Variants in KIFBP observed in about 807,000 individuals in gnomAD.
KIFBP encodes the protein kinesin family binding protein, also known as KIF-binding protein.
KIFBP carries 46 observed loss-of-function variants against 58.9 expected under a neutral mutation model. That is an observed-to-expected ratio of 0.78 (90% CI 0.62 to 1.00). The LOEUF (loss-of-function observed/expected upper bound fraction) is 1.00. Among genes scored for constraint, KIFBP ranks in the 50% least tolerant of loss-of-function variants. The pLI is 0.00. For synonymous variants in KIFBP, 241 were observed against 283.4 expected (o/e 0.85, Z 1.50); for missense variants, 651 against 752.9 (o/e 0.86, Z 1.58).
chr10:68,990,875 C>T (rs1843335918), intron 1 of KIFBP, among the ~76,000 whole-genome samples: 1 of 151,946 alleles, frequency 6.6e-6, no homozygotes, highest in African/African-American at 2.4e-5. Context: ...TCCGTTACAT[C>T]CAAACAGAAG....
Position 69,015,772 on chromosome 10 carries a change from G to A in KIFBP, c.1222G>A (p.Glu408Lys). ...TCAGCACTATGTCTTTGAGGCAAAAGAGTTCTTTCAGATTGATGGTTATGT... is the reference window on the plus strand; with the variant it reads ...TCAGCACTATGTCTTTGAGGCAAAAAAGTTCTTTCAGATTGATGGTTATGT... ...LGQHYVFEAKEFFQIDGYVTD... is the reference protein window; with the variant it reads ...LGQHYVFEAKKFFQIDGYVTD... The change falls in exon 7 of 7, where the codon GAG (glutamate) becomes AAG (lysine). Residue 408 changes from glutamate (E) to lysine (K), a missense_variant. Physicochemically the swap from Glu to Lys is moderately conservative, Grantham distance 56. Coordinates refer to ENST00000361983, the MANE Select transcript of KIFBP (RefSeq NM_015634.4). The A allele has an allele frequency of 6.2e-7, 1 of 1,614,194 alleles. No individual in the cohort carries two copies. Among genetic ancestry groups the A allele is most frequent in the East Asian group, 2.2e-5 (1 of 44,890 alleles).
In KIFBP at chr10:69,016,279, A is replaced by C. The variant is rs1839005000; in HGVS notation, c.1729A>C (p.Lys577Gln). The change falls in exon 7 of 7, where the codon AAA (lysine) becomes CAA (glutamine). Residue 577 changes from lysine to glutamine, a missense_variant. Lys to Gln is a moderately conservative substitution (Grantham distance 53, BLOSUM62 1). Coordinates refer to ENST00000361983, the MANE Select transcript of KIFBP (RefSeq NM_015634.4). ...ENLATSLEHY[K>Q]FIVDYCEKHP... ...TTTGGCAACATCATTGGAACATTAC[A>C]AATTTATTGTTGATTACTGTGAAAA... The C allele has an allele frequency of 6.2e-7, 1 of 1,602,226 alleles. No homozygotes were observed. The highest frequency in any genetic ancestry group is 1.3e-5 in the African/African-American group (1 of 74,196).
Position 69,010,977 on chromosome 10 carries a change from T to C in KIFBP, c.952T>C (p.Cys318Arg). 6.2e-7 allele frequency: 1 copy of C among 1,614,102 alleles called. No homozygotes were observed. The highest frequency in any genetic ancestry group is 8.5e-7 in the Non-Finnish European group (1 of 1,179,924). The change falls in exon 6 of 7, where the codon TGT (cysteine) becomes CGT (arginine). Residue 318 changes from cysteine (C) to arginine (R), a missense_variant. Coordinates refer to ENST00000361983, the MANE Select transcript of KIFBP (RefSeq NM_015634.4). ...AATAGCAAGGTGCTGGATCAAATAC[T>C]GTTTGACTCTCATGCAGAATGCCCA... ...GEIARCWIKY[C>R]LTLMQNAQLS...
At position 68,991,588 on chromosome 10, in the gene KIFBP, A is replaced by G. The variant is rs73268401; in HGVS notation, c.426+2330A>G. 2,283 of 378,450 alleles carry G rather than the reference A, an allele frequency of 6.0e-3. 59 individuals carry two copies. The highest frequency in any genetic ancestry group is 0.044 in the African/African-American group (2,089 of 47,384). 23.4% of individuals were successfully genotyped at this position (378,450 alleles called of 1,614,324 possible). On this transcript the variant is annotated intron_variant, in intron 1 of 6. Transcript: ENST00000361983. ...TGCTGGAGGTCATCACGTGCAGTAC[A>G]AAAAGCTAGCTGACATCCATCAAGG...
intron 6 of KIFBP, among the ~76,000 whole-genome samples, chr10:69,014,416 A>G (rs1838959161): frequency 6.6e-6 from 1 of 152,190 alleles, no homozygotes; most frequent in Non-Finnish European, 1.5e-5. Context: ...TCTGTGGCGT[A>G]AGGGAGGATG....
At position 69,016,338 on chromosome 10, in the gene KIFBP, G is replaced by A. The variant is rs532878310; in HGVS notation, c.1788G>A (p.Glu596=). Residue 596 remains glutamate (E), a synonymous_variant, in exon 7 of 7, where the codon GAG becomes GAA. Transcript: ENST00000361983. ...HPEAAQEIEV[E]LELSKEMVSL... ...AGGCCGCCCAGGAAATAGAAGTTGAGCTAGAACTTAGTAAAGAGATGGTTA... is the reference window on the plus strand; with the variant it reads ...AGGCCGCCCAGGAAATAGAAGTTGAACTAGAACTTAGTAAAGAGATGGTTA... 41 of 1,613,388 alleles carry A rather than the reference G, an allele frequency of 2.5e-5. No individual in the cohort carries two copies. The East Asian group carries it at 8.9e-4, about 35-fold the overall frequency.
At chr10:69,009,021 A>C in intron 5 of KIFBP, 96 bp downstream of exon 5, 1 of 924,938 alleles carries the variant, frequency 1.1e-6, no homozygotes, top group East Asian at 2.5e-5. Context: ...CAGAAGAGCT[A>C]TCATATGCCC....
chr10:68,996,085 G>C (rs1458040537), intron 1 of KIFBP, among the ~76,000 whole-genome samples: 2 of 151,944 alleles, frequency 1.3e-5, no homozygotes, highest in Non-Finnish European at 2.9e-5. Flanking sequence ...TAGAACCCGG[G>C]AGGCGGAGGT....
intron 2 of KIFBP, among the ~76,000 whole-genome samples, chr10:69,004,353 C>G (rs1272240098): frequency 6.6e-6 from 1 of 150,532 alleles, no homozygotes; most frequent in Non-Finnish European, 1.5e-5. Flanking sequence ...GGCAACAGAG[C>G]AAGACCCCCA....
At chr10:68,992,215 A>G (rs981914779) in intron 1 of KIFBP, among the ~76,000 whole-genome samples, 2 of 152,086 alleles carry the variant, frequency 1.3e-5, no homozygotes, top group Non-Finnish European at 2.9e-5. Flanking sequence ...CTGGTCTCGA[A>G]CTACTGAGCT....
chr10:69,009,539 C>T (rs1317684715), intron 5 of KIFBP, among the ~76,000 whole-genome samples: 1 of 152,148 alleles, frequency 6.6e-6, no homozygotes, highest in Non-Finnish European at 1.5e-5. Context: ...GCCTTTCTTT[C>T]CCTTTCATCA....
intron 1 of KIFBP, among the ~76,000 whole-genome samples, chr10:68,990,771 C>G (rs1182501840): frequency 6.6e-6 from 1 of 151,978 alleles, no homozygotes; most frequent in Non-Finnish European, 1.5e-5. Flanking sequence ...AAGATTGTAT[C>G]ACTGCACTCC....
intron 4 of KIFBP, among the ~76,000 whole-genome samples, chr10:69,008,408 A>G (rs1417243133): frequency 7.3e-6 from 1 of 137,564 alleles, no homozygotes; most frequent in Non-Finnish European, 1.5e-5. Context: ...ATATATATAT[A>G]TATATATATA....
Position 69,005,584 on chromosome 10 carries a change from G to A in KIFBP, c.606-148G>A. 6.4e-6 allele frequency: 4 copies of A among 629,770 alleles called. No homozygotes were observed. In the South Asian group the frequency reaches 7.5e-5, roughly 12 times the overall value. The allele number at this position is 629,770 out of a possible 1,614,324, so 39.0% of individuals were successfully genotyped here. The stretch of plus-strand genomic sequence containing the variant: ...CCAGCTACTCGGGAGGCTGAGGCAG[G>A]AGAATTGCTTGAACCCAGGAGGCGG... On this transcript the variant is annotated intron_variant, in intron 3 of 6. Transcript: ENST00000361983.
chr10:68,994,467 T>C (rs535386979), intron 1 of KIFBP, among the ~76,000 whole-genome samples: 1 of 152,256 alleles, frequency 6.6e-6, no homozygotes, highest in South Asian at 2.1e-4. Context: ...TGATATTACA[T>C]TAGATTATCA....
At chr10:69,007,312 G>A (rs1010844164) in intron 4 of KIFBP, among the ~76,000 whole-genome samples, 1 of 152,126 alleles carries the variant, frequency 6.6e-6, no homozygotes, top group African/African-American at 2.4e-5. Context: ...ATTGCAAAAA[G>A]AGGGATTTGA....
At chr10:68,991,503 A>G in intron 1 of KIFBP, 1 of 410,050 alleles carries the variant, frequency 2.4e-6, no homozygotes, top group South Asian at 2.0e-5. Context: ...AGAAATGAAT[A>G]ACATTGGAGA....
rs756709287 is a variant in KIFBP at position 69,016,443 on chromosome 10, G to A, written c.*27G>A. 5.0e-6 allele frequency: 8 copies of A among 1,611,542 alleles called. No homozygotes were observed. Among genetic ancestry groups the A allele is most frequent in the Non-Finnish European group, 6.8e-6 (8 of 1,178,424 alleles). On this transcript the variant is annotated 3_prime_UTR_variant, in exon 7 of 7. Transcript: ENST00000361983. ...CCTTGTTTTTAAAGAAAGGAAATGT[G>A]CAATATTGAAGTGATCTTTTTCCCT...
Position 69,016,023 on chromosome 10 carries a change from T to C in KIFBP, c.1473T>C (p.Ile491=), listed in dbSNP as rs763141649. ...YYDMMDLKVA[I]ADRLRDPDSH... ...ATATGATGGATTTGAAGGTTGCCATTGCTGACAGGCTAAGGGATCCTGATT... is the reference window on the plus strand; with the variant it reads ...ATATGATGGATTTGAAGGTTGCCATCGCTGACAGGCTAAGGGATCCTGATT... Residue 491 remains isoleucine, a synonymous_variant, in exon 7 of 7, where the codon ATT becomes ATC. Coordinates refer to ENST00000361983, the MANE Select transcript of KIFBP (RefSeq NM_015634.4). The C allele has an allele frequency of 3.6e-5, 58 of 1,614,202 alleles. No individual in the cohort carries two copies. The highest frequency in any genetic ancestry group is 4.4e-5 in the Non-Finnish European group (52 of 1,180,046).
Sources: gnomAD v4.1 joint callset for allele counts (sites outside exome capture counted in the v4.1 genomes callset) on GRCh38, gnomAD v4.1.1 for gene constraint, MANE v1.5 for transcripts, NCBI Gene and HGNC (gene_info 2026-07-23, HGNC 2026-07-21) for gene names.